The following KIAA1217 variants were observed in gnomAD, a reference collection of about 807,000 sequenced individuals.
KIAA1217 encodes sickle tail protein homolog.
A neutral mutation model predicts 163.9 loss-of-function variants in KIAA1217; 88 were observed. That is an observed-to-expected ratio of 0.54 (90% CI 0.45 to 0.64). The LOEUF is 0.64. Among genes scored for constraint, KIAA1217 ranks in the 30% least tolerant of loss-of-function variants. KIAA1217 has a pLI of 0.00. For synonymous variants in KIAA1217, 903 were observed against 923.1 expected (o/e 0.98, Z 0.39); for missense variants, 2,372 against 2,475.0 (o/e 0.96, Z 0.88).
intron 2 of KIAA1217, among the ~76,000 whole-genome samples, chr10:24,126,857 T>C (rs1316773221): frequency 1.3e-5 from 2 of 152,092 alleles, no homozygotes; most frequent in Non-Finnish European, 2.9e-5. Context: ...CCTAAGCTTC[T>C]AGGTCACTGA....
At chr10:24,276,209 T>C (rs2077266973) in intron 2 of KIAA1217, among the ~76,000 whole-genome samples, 1 of 152,232 alleles carries the variant, frequency 6.6e-6, no homozygotes, top group East Asian at 1.9e-4. Flanking sequence ...CAAATGGAGT[T>C]TGATGCCATT....
At chr10:24,277,386 C>T (rs556686290) in intron 2 of KIAA1217, among the ~76,000 whole-genome samples, 3 of 152,244 alleles carry the variant, frequency 2.0e-5, no homozygotes, top group South Asian at 2.1e-4. Context: ...AGGGAAGCCT[C>T]GTGAGTGGGA....
chr10:23,851,533 A>T (rs1292927438), intron 1 of KIAA1217, among the ~76,000 whole-genome samples: 1 of 152,148 alleles, frequency 6.6e-6, no homozygotes, highest in African/African-American at 2.4e-5. Flanking sequence ...TACCCAGTAA[A>T]GAGATGGCTG....
At chr10:24,443,190 C>T (rs1418391757) in intron 5 of KIAA1217, among the ~76,000 whole-genome samples, 16 of 152,176 alleles carry the variant, frequency 1.1e-4, no homozygotes, top group Admixed American at 1.0e-3. Context: ...GCGTGGGCTA[C>T]TGCGCCTGGA....
Position 23,939,625 on chromosome 10 carries a change from C to G in KIAA1217, c.-320-67600C>G, listed in dbSNP as rs74123174. Among the ~76,000 whole-genome samples the G allele has an allele frequency of 8.5e-3, 1,286 of 151,938 alleles. 19 individuals carry two copies. Among genetic ancestry groups the G allele is most frequent in the African/African-American group, 0.028 (1,153 of 41,518 alleles). ...CTACATGTTTATATGCACCTAATAA[C>G]AGAGCTTCAAAATACACAAGGCAGA... On this transcript the variant is annotated intron_variant, in intron 1 of 18. Coordinates refer to the KIAA1217 transcript ENST00000376462.
intron 2 of KIAA1217, among the ~76,000 whole-genome samples, chr10:24,034,013 A>G (rs1243186066): frequency 2.0e-5 from 3 of 152,264 alleles, no homozygotes; most frequent in African/African-American, 7.2e-5. Context: ...AAAAAACTGG[A>G]TTAAGCCAGG....
chr10:24,135,357 C>T (rs138668931), intron 2 of KIAA1217, among the ~76,000 whole-genome samples: 86 of 152,052 alleles, frequency 5.7e-4, no homozygotes, highest in Non-Finnish European at 8.4e-4. Flanking sequence ...TTTTAGCTCC[C>T]GTAAATACCA....
chr10:23,825,535 T>C (rs960899300), intron 1 of KIAA1217, among the ~76,000 whole-genome samples: 3 of 152,204 alleles, frequency 2.0e-5, no homozygotes, highest in Admixed American at 1.3e-4. Flanking sequence ...TCAGATTGAT[T>C]TTGGTTATTA....
chr10:23,747,790 G>C (rs1290649868), intron 1 of KIAA1217, among the ~76,000 whole-genome samples: 1 of 152,150 alleles, frequency 6.6e-6, no homozygotes, highest in East Asian at 1.9e-4. Context: ...GCTGAGCTCC[G>C]GGGATTGTTT....
chr10:24,113,216 C>A (rs1392349182), intron 2 of KIAA1217, among the ~76,000 whole-genome samples: 1 of 152,164 alleles, frequency 6.6e-6, no homozygotes, highest in Admixed American at 6.5e-5. Flanking sequence ...AGACTGTAGA[C>A]ATCTAGGTCC....
chr10:24,247,891 A>G (rs1241317657), intron 2 of KIAA1217, among the ~76,000 whole-genome samples: 2 of 152,202 alleles, frequency 1.3e-5, no homozygotes, highest in African/African-American at 2.4e-5. Context: ...CTTAACACCT[A>G]TATTTTGCTA....
chr10:23,996,521 C>T (rs756149535), intron 1 of KIAA1217, among the ~76,000 whole-genome samples: 3 of 151,952 alleles, frequency 2.0e-5, no homozygotes, highest in Non-Finnish European at 4.4e-5. Flanking sequence ...CCTGGTACAC[C>T]GTAGCCCTAC....
rs2075572033 is a variant in KIAA1217, at chr10:24,545,001, G to A, written c.5232G>A (p.Gln1744=). 3 of 1,614,110 alleles carry A rather than the reference G, an allele frequency of 1.9e-6. No homozygotes were observed. The highest frequency in any genetic ancestry group is 2.5e-6 in the Non-Finnish European group (3 of 1,180,002). The change falls in exon 20 of 21, where the codon CAG becomes CAA. Residue 1744 remains glutamine, a synonymous_variant. Transcript: ENST00000376454. The part of the protein sequence containing the change: ...ASRKGSSGAP[Q]TSRMPVPMSA... ...CACAGGGCTCCAGCGGGGCCCCACA[G>A]ACGAGCAGGATGCCTGTCCCCATGA...
intron 1 of KIAA1217, among the ~76,000 whole-genome samples, chr10:23,887,565 T>G (rs2131205815): frequency 6.6e-6 from 1 of 152,018 alleles, no homozygotes; most frequent in South Asian, 2.1e-4. Flanking sequence ...CTTGAGATTT[T>G]TTTATATTGT....
At chr10:23,926,145 A>G (rs1440444601) in intron 1 of KIAA1217, among the ~76,000 whole-genome samples, 4 of 152,286 alleles carry the variant, frequency 2.6e-5, no homozygotes, top group South Asian at 4.1e-4. Flanking sequence ...GGGAATCTAC[A>G]CAGGCTCAGT....
At position 24,044,998 on chromosome 10, in the gene KIAA1217, G is replaced by A. The variant is rs941007135; in HGVS notation, c.-171+37624G>A. Among the ~76,000 whole-genome samples the A allele has an allele frequency of 9.9e-5, 15 of 152,198 alleles. No individual in the cohort carries two copies. In the East Asian group the frequency reaches 2.9e-3, roughly 29 times the overall value. ...TACTTTCTTTTATTATTTTGTGAAA[G>A]CACATTCCCAATAAGCTTAAGGAAA... is the stretch of plus-strand genomic sequence containing the variant. On this transcript the variant is annotated intron_variant, in intron 2 of 18. Transcript: ENST00000376462.
intron 1 of KIAA1217, among the ~76,000 whole-genome samples, chr10:23,975,903 C>T (rs1042174961): frequency 6.6e-6 from 1 of 152,104 alleles, no homozygotes; most frequent in Non-Finnish European, 1.5e-5. Flanking sequence ...TCTTTTTGAT[C>T]CATTGCACCC....
At chr10:23,736,714 T>C (rs1838828705) in intron 1 of KIAA1217, among the ~76,000 whole-genome samples, 2 of 152,124 alleles carry the variant, frequency 1.3e-5, no homozygotes, top group South Asian at 2.1e-4. Flanking sequence ...TTCGTAGAGA[T>C]GGAGTCTTGC....
At chr10:24,167,018 T>G (rs1264397835) in intron 2 of KIAA1217, among the ~76,000 whole-genome samples, 2 of 152,030 alleles carry the variant, frequency 1.3e-5, no homozygotes, top group Non-Finnish European at 2.9e-5. Flanking sequence ...AAGTTAAAAA[T>G]TAAGCATACC....
Sources: gnomAD v4.1 joint callset for allele counts (sites outside exome capture counted in the v4.1 genomes callset) on GRCh38, gnomAD v4.1.1 for gene constraint, MANE v1.5 for transcripts, NCBI Gene and HGNC (gene_info 2026-07-23, HGNC 2026-07-21) for gene names.